Variants in KCNQ5 observed in about 807,000 individuals in gnomAD.
KCNQ5 encodes the protein potassium voltage-gated channel subfamily KQT member 5.
A neutral mutation model predicts 98.2 loss-of-function variants in KCNQ5; 30 were observed. That is an observed-to-expected ratio of 0.31 (90% CI 0.23 to 0.41). The LOEUF is 0.41. Ranked by LOEUF, KCNQ5 falls within the 10% of genes least tolerant of loss-of-function variation. The pLI, the probability that KCNQ5 is intolerant of heterozygous loss-of-function variation, is 1.00. For missense variants in KCNQ5, 835 were observed against 1,182.5 expected, an observed-to-expected ratio of 0.71 and a Z score of 4.31; for synonymous variants, 458 against 449.4, an observed-to-expected ratio of 1.02 and a Z score of -0.24.
At chr6:73,106,610 T>C (rs1775012095) in intron 6 of KCNQ5, among the ~76,000 whole-genome samples, 1 of 152,206 alleles carries the variant, frequency 6.6e-6, no homozygotes, top group African/African-American at 2.4e-5. Context: ...TTCTACTTCC[T>C]AGAAGAACAC....
At chr6:73,057,348 G>T (rs1417244954) in intron 3 of KCNQ5, among the ~76,000 whole-genome samples, 2 of 131,494 alleles carry the variant, frequency 1.5e-5, no homozygotes, top group Non-Finnish European at 3.3e-5. Context: ...GGAAGGGGGG[G>T]AGGGATAGCA....
At chr6:72,923,820 G>T (rs1243356714) in intron 1 of KCNQ5, among the ~76,000 whole-genome samples, 1 of 152,084 alleles carries the variant, frequency 6.6e-6, no homozygotes, top group Non-Finnish European at 1.5e-5. Flanking sequence ...TCCTGCATTA[G>T]TTCACTTAGG....
At chr6:72,967,239 T>C (rs912523754) in intron 1 of KCNQ5, among the ~76,000 whole-genome samples, 12 of 152,232 alleles carry the variant, frequency 7.9e-5, no homozygotes, top group Non-Finnish European at 1.2e-4. Context: ...TCTTGCACTA[T>C]AAAAATTTTA....
intron 5 of KCNQ5, among the ~76,000 whole-genome samples, chr6:73,087,303 TG>T (rs902490814): frequency 1.3e-5 from 2 of 151,992 alleles, no homozygotes; most frequent in East Asian, 3.9e-4. Flanking sequence ...ATAGATTCCG[TG>T]GGGGGAGTGA....
intron 1 of KCNQ5, among the ~76,000 whole-genome samples, chr6:72,686,152 T>G (rs754327001): frequency 2.0e-5 from 3 of 152,228 alleles, no homozygotes; most frequent in Admixed American, 1.3e-4. Context: ...GATTAGAGCT[T>G]CAACATATGA....
chr6:72,986,859 A>T, intron 1 of KCNQ5: 1 of 974,992 alleles, frequency 1.0e-6, no homozygotes, highest in Non-Finnish European at 1.6e-6. Flanking sequence ...TCAGTCCAGA[A>T]CCCTTGGTTC....
At position 72,812,065 on chromosome 6, in the gene KCNQ5, G is replaced by A. The variant is rs553305933; in HGVS notation, c.398+189478G>A. ...GTATTTGTAAACGGTCATGGGGCTGGAGTGTCTTTTAGCATGCCAATGCAT... is the reference window on the plus strand; with the variant it reads ...GTATTTGTAAACGGTCATGGGGCTGAAGTGTCTTTTAGCATGCCAATGCAT... On this transcript the variant is annotated intron_variant, in intron 1 of 13. Transcript: ENST00000370398. Among the ~76,000 whole-genome samples the A allele has an allele frequency of 5.9e-5, 9 of 152,264 alleles. No homozygotes were observed. The East Asian group carries it at 1.5e-3, about 26-fold the overall frequency.
At chr6:72,744,740 G>A (rs1184552355) in intron 1 of KCNQ5, among the ~76,000 whole-genome samples, 3 of 151,984 alleles carry the variant, frequency 2.0e-5, no homozygotes, top group Non-Finnish European at 4.4e-5. Context: ...GAACCCGGGA[G>A]GCAGAGGTTG....
chr6:73,100,515 A>AC (rs1231461508), intron 5 of KCNQ5, among the ~76,000 whole-genome samples: 1 of 151,040 alleles, frequency 6.6e-6, no homozygotes, highest in Non-Finnish European at 1.5e-5. Context: ...AAAATACAAA[A>AC]AAAAATAGCT....
chr6:73,042,229 C>A lies in KCNQ5; in HGVS notation c.616+167C>A, dbSNP rs147665931. The A allele has an allele frequency of 1.4e-3, 1,034 of 735,946 alleles. 2 individuals carry two copies. The African/African-American group carries it at 0.015, about 11-fold the overall frequency. 45.6% of individuals were successfully genotyped at this position (735,946 alleles called of 1,614,324 possible). On this transcript the variant is annotated intron_variant, in intron 3 of 13. Transcript: ENST00000370398. ...ATGTTGACTCATTTGATGTTGTCTC[C>A]ACAGCATTATGAGGTAGATATTTTT...
intron 1 of KCNQ5, among the ~76,000 whole-genome samples, chr6:72,721,955 A>G (rs1166797426): frequency 6.6e-6 from 1 of 152,210 alleles, no homozygotes; most frequent in Admixed American, 6.5e-5. Context: ...CCTAAATTAA[A>G]GATCTTGAGA....
At chr6:72,647,161 GA>G (rs1169543735) in intron 1 of KCNQ5, among the ~76,000 whole-genome samples, 2 of 152,202 alleles carry the variant, frequency 1.3e-5, no homozygotes, top group Non-Finnish European at 2.9e-5. Context: ...ATCTACAGCT[GA>G]AAAAGCTGAA....
At chr6:72,697,131 G>A (rs994894939) in intron 1 of KCNQ5, among the ~76,000 whole-genome samples, 1 of 152,158 alleles carries the variant, frequency 6.6e-6, no homozygotes, top group African/African-American at 2.4e-5. Flanking sequence ...GTCAAATAGA[G>A]TTTAGTTTTG....
At chr6:72,655,030 T>TTCCTTCTC (rs1554683255) in intron 1 of KCNQ5, among the ~76,000 whole-genome samples, 1 of 43,562 alleles carries the variant, frequency 2.3e-5, no homozygotes, top group African/African-American at 1.2e-4. Context: ...CTGTCTGTCT[T>TTCCTTCTC]TCTTTCTTTC....
At chr6:73,051,828 A>G (rs1004431469) in intron 3 of KCNQ5, among the ~76,000 whole-genome samples, 5 of 152,072 alleles carry the variant, frequency 3.3e-5, no homozygotes, top group Non-Finnish European at 7.4e-5. Flanking sequence ...TGGCAACTCA[A>G]AAGTCAGAGT....
chr6:72,710,776 A>G (rs1264225033), intron 1 of KCNQ5, among the ~76,000 whole-genome samples: 2 of 152,196 alleles, frequency 1.3e-5, no homozygotes, highest in African/African-American at 4.8e-5. Flanking sequence ...TTAACATTGG[A>G]CATATCATTC....
At chr6:72,689,889 C>A (rs1035230051) in intron 1 of KCNQ5, among the ~76,000 whole-genome samples, 1 of 150,700 alleles carries the variant, frequency 6.6e-6, no homozygotes. Flanking sequence ...TCTTCTGTTT[C>A]GAGAGTTATT....
At chr6:73,026,568 CTCTA>C (rs1204139245) in intron 2 of KCNQ5, among the ~76,000 whole-genome samples, 2 of 152,266 alleles carry the variant, frequency 1.3e-5, no homozygotes, top group Non-Finnish European at 1.5e-5. Flanking sequence ...TCTTCCAATG[CTCTA>C]TCTTTCTGTA....
intron 1 of KCNQ5, among the ~76,000 whole-genome samples, chr6:72,694,961 A>G (rs942800273): frequency 6.6e-6 from 1 of 151,862 alleles, no homozygotes; most frequent in Non-Finnish European, 1.5e-5. Context: ...CTTTTGTGGT[A>G]TTGGTTTTTT....
Sources: gnomAD v4.1 joint callset for allele counts (sites outside exome capture counted in the v4.1 genomes callset) on GRCh38, gnomAD v4.1.1 for gene constraint, MANE v1.5 for transcripts, NCBI Gene and HGNC (gene_info 2026-07-23, HGNC 2026-07-21) for gene names.